The following OTUD4 variants were observed in gnomAD, a reference collection of about 807,000 sequenced individuals.
OTUD4 encodes OTU deubiquitinase 4.
Under a neutral mutation model 130.4 loss-of-function variants are expected in OTUD4, and 24 were observed. The ratio of observed to expected loss-of-function variants is 0.18; its 90% CI spans 0.13 to 0.26. The LOEUF is 0.26. Ranked by LOEUF, OTUD4 falls within the 10% of genes least tolerant of loss-of-function variation. The pLI is 1.00. For synonymous variants in OTUD4, 420 were observed against 472.5 expected, an observed-to-expected ratio of 0.89 and a Z score of 1.44; for missense variants, 1,031 against 1,329.4, an observed-to-expected ratio of 0.78 and a Z score of 3.49.
chr4:145,170,178 A>G (rs886271464), intron 3 of OTUD4, among the ~76,000 whole-genome samples: 1 of 152,312 alleles, frequency 6.6e-6, no homozygotes, highest in South Asian at 2.1e-4. Flanking sequence ...GGGAATCTGC[A>G]TTTTCACATG....
Position 145,178,766 on chromosome 4 carries a change from A to C in OTUD4, c.159+1049T>G, listed in dbSNP as rs571883529. 3.3e-5 allele frequency among the ~76,000 whole-genome samples: 5 copies of C among 152,380 alleles called. No homozygotes were observed. In the East Asian group the frequency reaches 9.6e-4, roughly 29 times the overall value. On this transcript the variant is annotated intron_variant, in intron 1 of 20. Coordinates refer to ENST00000447906, the MANE Select transcript of OTUD4 (RefSeq NM_001366057.1). ...AAAATGAGAACAGACTGGCCTCCACATGTTAAGTAAAACATTTACTCACAA... is the reference window on the plus strand; with the variant it reads ...AAAATGAGAACAGACTGGCCTCCACCTGTTAAGTAAAACATTTACTCACAA...
intron 3 of OTUD4, among the ~76,000 whole-genome samples, chr4:145,168,412 T>TAAAAAAAAAAAAAAAAAAAAAA (rs1432323241): frequency 6.7e-5 from 1 of 15,010 alleles, no homozygotes; most frequent in Non-Finnish European, 1.6e-4. Flanking sequence ...AAATAAAAAA[T>TAAAAAAAAAAAAAAAAAAAAAA]TAAAAAAAAA....
At chr4:145,162,041 T>C (rs36225145) in intron 6 of OTUD4, among the ~76,000 whole-genome samples, 324 of 152,242 alleles carry the variant, frequency 2.1e-3, no homozygotes, top group African/African-American at 7.3e-3. Context: ...GGCACAATAA[T>C]AGCTCACTGC....
chr4:145,172,860 T>C lies in OTUD4; in HGVS notation c.244-1140A>G, dbSNP rs932389489. Among the ~76,000 whole-genome samples the C allele has an allele frequency of 1.4e-4, 22 of 152,126 alleles. 1 individual carries two copies. The highest frequency in any genetic ancestry group is 5.3e-4 in the African/African-American group (22 of 41,430). Reference sequence around the variant, plus strand: ...TAAGGAAAAAAAAAACACAGAACCATTTAAAGTTACTAGAGACTGCAGAAT... The same window carrying C: ...TAAGGAAAAAAAAAACACAGAACCACTTAAAGTTACTAGAGACTGCAGAAT... On this transcript the variant is annotated intron_variant, in intron 2 of 20. Transcript: ENST00000447906.
In OTUD4 at chr4:145,179,794, TCCCCGCCC is replaced by T; in HGVS notation, c.159+13_159+20del. On this transcript the variant is annotated intron_variant, in intron 1 of 20. Coordinates refer to ENST00000447906, the MANE Select transcript of OTUD4 (RefSeq NM_001366057.1). ...CCGTCCCCGCCTCCCCTCGAAGCCC[TCCCCGCCC>T]CCCCGCAATTACCTGCTCCGCCACG... 5.0e-6 allele frequency: 1 copy of T among 198,308 alleles called. No individual in the cohort carries two copies. Among genetic ancestry groups the T allele is most frequent in the Non-Finnish European group, 7.5e-6 (1 of 132,896 alleles). The allele number at this position is 198,308 out of a possible 1,614,324, so 12.3% of individuals were successfully genotyped here. A position where few individuals can be genotyped will look rare whatever the true frequency, so the allele number is the denominator to read the frequency against.
At chr4:145,154,096 AC>A (rs1671263657) in intron 10 of OTUD4, among the ~76,000 whole-genome samples, 1 of 152,252 alleles carries the variant, frequency 6.6e-6, no homozygotes, top group South Asian at 2.1e-4. Flanking sequence ...AATATGCTTG[AC>A]TTAAAATAAG....
intron 1 of OTUD4, among the ~76,000 whole-genome samples, chr4:145,175,805 T>C (rs1752392379): frequency 6.6e-6 from 1 of 151,298 alleles, no homozygotes; most frequent in African/African-American, 2.4e-5. Context: ...GACCTCCCAA[T>C]GTGCTGGGAT....
chr4:145,140,876 A>AC, intron 19 of OTUD4, among the ~76,000 whole-genome samples: 1 of 152,052 alleles, frequency 6.6e-6, no homozygotes, highest in Non-Finnish European at 1.5e-5. Flanking sequence ...ACAAAAAAAA[A>AC]TTTTCTGGGC....
Position 145,135,329 on chromosome 4 carries a change from T to G in OTUD4, c.*2101A>C, listed in dbSNP as rs1347859301. On this transcript the variant is annotated 3_prime_UTR_variant, in exon 21 of 21. Coordinates refer to ENST00000447906, the MANE Select transcript of OTUD4 (RefSeq NM_001366057.1). ...AGTGACAATGAAGATATGAGTAGTA[T>G]TTCCTTCCAATTTTTAAACATTTTC... 1 of 152,770 alleles carries G rather than the reference T, an allele frequency of 6.5e-6. No individual in the cohort carries two copies. Among genetic ancestry groups the G allele is most frequent in the African/African-American group, 2.4e-5 (1 of 41,472 alleles). The allele number at this position is 152,770 out of a possible 1,614,324, so 9.5% of individuals were successfully genotyped here. A position where few individuals can be genotyped will look rare whatever the true frequency, so the allele number is the denominator to read the frequency against.
intron 1 of OTUD4, among the ~76,000 whole-genome samples, chr4:145,175,687 G>C (rs960589538): frequency 2.6e-5 from 4 of 151,868 alleles, no homozygotes; most frequent in Non-Finnish European, 4.4e-5. Flanking sequence ...TGGGATTACA[G>C]CCAACTACCA....
rs894448154 is a variant in OTUD4 at position 145,142,450 on chromosome 4, T to C, written c.1684-116A>G. ...TTGCCTGCCTTTTATACAAATGAAG[T>C]ACAAATAGCCCTTATAGTCTTAGAA... is the stretch of plus-strand genomic sequence containing the variant. On this transcript the variant is annotated intron_variant, in intron 17 of 20. Coordinates refer to ENST00000447906, the MANE Select transcript of OTUD4 (RefSeq NM_001366057.1). 7.4e-6 allele frequency: 6 copies of C among 815,866 alleles called. No individual in the cohort carries two copies. The Admixed American group carries it at 1.4e-4, about 19-fold the overall frequency. 50.5% of individuals were successfully genotyped at this position (815,866 alleles called of 1,614,324 possible). A position where few individuals can be genotyped will look rare whatever the true frequency, so the allele number is the denominator to read the frequency against.
chr4:145,167,735 G>A (rs1751947242), intron 3 of OTUD4, among the ~76,000 whole-genome samples: 1 of 152,046 alleles, frequency 6.6e-6, no homozygotes, highest in African/African-American at 2.4e-5. Context: ...GTGGGTGCCT[G>A]TAATCCCAGC....
chr4:145,163,676 T>A (rs564228806), intron 5 of OTUD4, among the ~76,000 whole-genome samples: 15 of 150,446 alleles, frequency 1.0e-4, no homozygotes, highest in Non-Finnish European at 1.6e-4. Flanking sequence ...TACAAAATAA[T>A]ATGACTAAGT....
chr4:145,162,458 G>A (rs1180740555), intron 6 of OTUD4, among the ~76,000 whole-genome samples, 182 bp downstream of exon 6: 1 of 152,108 alleles, frequency 6.6e-6, no homozygotes, highest in Non-Finnish European at 1.5e-5. Flanking sequence ...GGAGGCTGAG[G>A]CAGGAGTGGC....
intron 2 of OTUD4, among the ~76,000 whole-genome samples, chr4:145,172,709 A>G (rs1421950902): frequency 1.3e-5 from 2 of 152,214 alleles, no homozygotes; most frequent in Non-Finnish European, 2.9e-5. Context: ...ATTCTTTCAT[A>G]GATTATATAA....
intron 11 of OTUD4, 145 bp from the exon 12 acceptor site, chr4:145,151,050 A>T: frequency 2.0e-6 from 1 of 501,440 alleles, no homozygotes; most frequent in Non-Finnish European, 3.5e-6. Context: ...TACAAATTGC[A>T]TTTACCAATC....
At chr4:145,169,755 A>G (rs1752061338) in intron 3 of OTUD4, among the ~76,000 whole-genome samples, 1 of 152,238 alleles carries the variant, frequency 6.6e-6, no homozygotes, top group Non-Finnish European at 1.5e-5. Flanking sequence ...TACAGGCACG[A>G]GCCATTGTGC....
chr4:145,161,604 C>T (rs1028975485), intron 6 of OTUD4, among the ~76,000 whole-genome samples: 1 of 152,040 alleles, frequency 6.6e-6, no homozygotes. Flanking sequence ...ATTCATATGC[C>T]CAGGAAACAT....
intron 3 of OTUD4, among the ~76,000 whole-genome samples, chr4:145,168,962 T>C (rs1254430770): frequency 1.3e-5 from 2 of 152,256 alleles, no homozygotes; most frequent in Non-Finnish European, 2.9e-5. Context: ...ATTATTTTTC[T>C]TCAATAAAAA....
Sources: allele counts gnomAD v4.1 joint callset (sites outside exome capture counted in the v4.1 genomes callset), GRCh38; gene constraint gnomAD v4.1.1; transcripts MANE v1.5; gene names NCBI Gene and HGNC (gene_info 2026-07-23, HGNC 2026-07-21).